MDFIC2: variants seen among roughly 807,000 people sequenced by gnomAD.
MDFIC2 encodes the protein MyoD family inhibitor domain containing 2.
intron 2 of MDFIC2, among the ~76,000 whole-genome samples, chr3:70,211,691 T>A (rs1387254993): frequency 2.0e-5 from 3 of 146,420 alleles, no homozygotes; most frequent in Non-Finnish European, 4.5e-5. Context: ...TCCTTTCCCT[T>A]CCCTTCCCTT....
chr3:70,199,893 G>A (rs774449642), intron 3 of MDFIC2, among the ~76,000 whole-genome samples: 1 of 152,076 alleles, frequency 6.6e-6, no homozygotes, highest in African/African-American at 2.4e-5. Flanking sequence ...CTTCTGCAAC[G>A]TCTTCAAAAC....
chr3:70,285,326 C>T (rs1008458169), intron 2 of MDFIC2, among the ~76,000 whole-genome samples: 8 of 150,410 alleles, frequency 5.3e-5, no homozygotes, highest in East Asian at 2.0e-4. Flanking sequence ...TTTGTTCTTG[C>T]GATAGTTTAC....
At chr3:70,264,521 G>T (rs946212493) in intron 2 of MDFIC2, among the ~76,000 whole-genome samples, 1 of 152,200 alleles carries the variant, frequency 6.6e-6, no homozygotes, top group African/African-American at 2.4e-5. Context: ...GAATAACCAT[G>T]AGAATTTATT....
chr3:70,267,767 G>T (rs1052140074), intron 2 of MDFIC2, among the ~76,000 whole-genome samples: 3 of 151,750 alleles, frequency 2.0e-5, no homozygotes, highest in African/African-American at 7.3e-5. Context: ...TCAGATAAAG[G>T]GTCTTCACTG....
chr3:70,278,693 T>C (rs904327120), intron 2 of MDFIC2, among the ~76,000 whole-genome samples: 46 of 152,146 alleles, frequency 3.0e-4, no homozygotes, highest in Admixed American at 2.6e-4. Context: ...TGCTAGGGCA[T>C]ATCCAACCTG....
At chr3:70,289,780 A>G (rs1302027711) in intron 2 of MDFIC2, among the ~76,000 whole-genome samples, 1 of 151,654 alleles carries the variant, frequency 6.6e-6, no homozygotes, top group Non-Finnish European at 1.5e-5. Flanking sequence ...TTTTTCTCTA[A>G]ACTTTCCTTC....
chr3:70,295,243 A>T (rs1237669972), intron 2 of MDFIC2, among the ~76,000 whole-genome samples: 1 of 152,190 alleles, frequency 6.6e-6, no homozygotes, highest in Non-Finnish European at 1.5e-5. Context: ...ATGGGGAAGC[A>T]ACCAAAGTAG....
At chr3:70,262,623 T>A (rs1225146565) in intron 2 of MDFIC2, among the ~76,000 whole-genome samples, 1 of 152,166 alleles carries the variant, frequency 6.6e-6, no homozygotes, top group East Asian at 1.9e-4. Context: ...TTCTGCTAGG[T>A]TCAAAGCAAG....
intron 2 of MDFIC2, among the ~76,000 whole-genome samples, chr3:70,209,962 G>A (rs1231857123): frequency 1.3e-5 from 2 of 152,066 alleles, no homozygotes; most frequent in Admixed American, 6.6e-5. Context: ...GATAGATAAC[G>A]AGACCTTGAT....
At chr3:70,204,443 T>C (rs1374596587) in intron 3 of MDFIC2, 1 of 152,180 alleles carries the variant, frequency 6.6e-6, no homozygotes, top group Non-Finnish European at 1.5e-5. Context: ...TCACTCTTTG[T>C]GGGTCTTAGG....
chr3:70,297,626 G>T lies in MDFIC2; in HGVS notation c.88+14260C>A, dbSNP rs992933462. 3.3e-5 allele frequency among the ~76,000 whole-genome samples: 5 copies of T among 152,144 alleles called. No individual in the cohort carries two copies. The South Asian group carries it at 1.0e-3, about 32-fold the overall frequency. On this transcript the variant is annotated intron_variant, in intron 2 of 3. Transcript: ENST00000567252. ...AAATGCATTAAATTCTTCCTTCAAG[G>T]ATGGAAAAATATTTGACTTAGTTTC... is the stretch of plus-strand genomic sequence containing the variant.
chr3:70,282,405 AG>A (rs1702095549), intron 2 of MDFIC2, among the ~76,000 whole-genome samples: 1 of 152,180 alleles, frequency 6.6e-6, no homozygotes, highest in African/African-American at 2.4e-5. Context: ...CGATCATGTT[AG>A]TTACAGAAGC....
chr3:70,241,692 T>A (rs912270516), intron 2 of MDFIC2, among the ~76,000 whole-genome samples: 1 of 152,306 alleles, frequency 6.6e-6, no homozygotes, highest in African/African-American at 2.4e-5. Context: ...GAGTGTTCAA[T>A]CATGTCCTGC....
At chr3:70,284,804 T>C (rs2106685634) in intron 2 of MDFIC2, among the ~76,000 whole-genome samples, 1 of 152,136 alleles carries the variant, frequency 6.6e-6, no homozygotes, top group African/African-American at 2.4e-5. Flanking sequence ...GTACTAGTCT[T>C]AAAACCTGGG....
intron 2 of MDFIC2, among the ~76,000 whole-genome samples, chr3:70,243,895 A>G (rs1296348456): frequency 6.6e-6 from 1 of 152,178 alleles, no homozygotes; most frequent in African/African-American, 2.4e-5. Flanking sequence ...AAATACTGTA[A>G]TAATTGTCTA....
chr3:70,246,380 C>T (rs1701708607), intron 2 of MDFIC2, among the ~76,000 whole-genome samples: 1 of 152,060 alleles, frequency 6.6e-6, no homozygotes, highest in African/African-American at 2.4e-5. Context: ...GTTGTAAACA[C>T]AAGACCAAGT....
intron 2 of MDFIC2, among the ~76,000 whole-genome samples, chr3:70,306,983 T>TTA (rs199905320): frequency 6.6e-6 from 1 of 151,946 alleles, no homozygotes; most frequent in African/African-American, 2.4e-5. Flanking sequence ...GTGTATATAT[T>TTA]TATATATATA....
intron 2 of MDFIC2, among the ~76,000 whole-genome samples, chr3:70,279,631 G>A (rs779993866): frequency 3.3e-5 from 5 of 152,108 alleles, no homozygotes; most frequent in South Asian, 2.1e-4. Context: ...GCTCTCTTGC[G>A]CTACATGCTG....
intron 2 of MDFIC2, among the ~76,000 whole-genome samples, chr3:70,290,228 A>T (rs1702218878): frequency 6.6e-6 from 1 of 152,032 alleles, no homozygotes; most frequent in East Asian, 1.9e-4. Flanking sequence ...TGATGTACAG[A>T]TGGGTTTTTG....
Sources: allele counts gnomAD v4.1 joint callset (sites outside exome capture counted in the v4.1 genomes callset), GRCh38; gene constraint gnomAD v4.1.1; transcripts MANE v1.5; gene names NCBI Gene and HGNC (gene_info 2026-07-23, HGNC 2026-07-21).